SEL1L2: variants seen among roughly 807,000 people sequenced by gnomAD.
SEL1L2 encodes the protein protein sel-1 homolog 2.
A neutral mutation model predicts 98.8 loss-of-function variants in SEL1L2; 89 were observed. The observed-to-expected ratio is 0.90, with a 90% confidence interval of 0.76 to 1.07. SEL1L2 has a LOEUF of 1.07. SEL1L2 is among the 50% of genes least tolerant of loss of function. The probability of loss-of-function intolerance (pLI) is 0.00; values close to 1 mark genes in which losing one functional copy is unlikely to be tolerated. For synonymous variants in SEL1L2, 262 were observed against 278.5 expected, an observed-to-expected ratio of 0.94 and a Z score of 0.59; for missense variants, 788 against 812.0, an observed-to-expected ratio of 0.97 and a Z score of 0.36.
At chr20:13,955,213 T>C (rs1293307872) in intron 2 of SEL1L2, among the ~76,000 whole-genome samples, 1 of 152,038 alleles carries the variant, frequency 6.6e-6, no homozygotes, top group Non-Finnish European at 1.5e-5. Context: ...TATAATAAAA[T>C]ACTGTATGTT....
In SEL1L2 at chr20:13,866,711, A is replaced by G; in HGVS notation, c.1395T>C (p.Thr465=). 6.3e-7 allele frequency: 1 copy of G among 1,583,664 alleles called. No homozygotes were observed. The highest frequency in any genetic ancestry group is 2.3e-5 in the East Asian group (1 of 43,596). Residue 465 remains threonine (T), a synonymous_variant, in exon 15 of 20, where the codon ACT becomes ACC. Transcript: ENST00000284951. The stretch of plus-strand genomic sequence containing the variant: ...CGCATATTATATTTACCTCCACAGC[A>G]GTTCTGCATGATCTTACTACTCCTG... The part of the protein sequence containing the change: ...TGTGVVRSCR[T]AVELYKGVCE...
At chr20:13,854,579 G>C (rs1357523739) in intron 18 of SEL1L2, among the ~76,000 whole-genome samples, 1 of 152,144 alleles carries the variant, frequency 6.6e-6, no homozygotes, top group Non-Finnish European at 1.5e-5. Flanking sequence ...CTATGGACAA[G>C]TCTCTTCTGT....
chr20:13,895,021 A>G (rs1263452014), intron 5 of SEL1L2, among the ~76,000 whole-genome samples: 2 of 152,316 alleles, frequency 1.3e-5, no homozygotes, highest in East Asian at 3.9e-4. Flanking sequence ...CCATAGACCA[A>G]TATACCTGAA....
At position 13,866,747 on chromosome 20, in the gene SEL1L2, A is replaced by G. The variant is rs770574296; in HGVS notation, c.1359T>C (p.Tyr453=). ...ATCTTACTACTCCTGTTCCTGTTGCATACATCTTGGCCAGATAATAAATGG... is the reference window on the plus strand; with the variant it reads ...ATCTTACTACTCCTGTTCCTGTTGCGTACATCTTGGCCAGATAATAAATGG... ...PLAIYYLAKM[Y]ATGTGVVRSC... The change falls in exon 15 of 20, where the codon TAT becomes TAC. Residue 453 remains tyrosine (Y), a synonymous_variant. Coordinates refer to ENST00000284951, the MANE Select transcript of SEL1L2 (RefSeq NM_025229.2). The G allele has an allele frequency of 1.2e-6, 2 of 1,609,392 alleles. No homozygotes were observed. The highest frequency in any genetic ancestry group is 4.5e-5 in the East Asian group (2 of 44,724).
At position 13,870,899 on chromosome 20, in the gene SEL1L2, G is replaced by A. The variant is rs565896162; in HGVS notation, c.1105-696C>T. 9.4e-4 allele frequency among the ~76,000 whole-genome samples: 139 copies of A among 147,450 alleles called. 1 individual carries two copies. Among genetic ancestry groups the A allele is most frequent in the African/African-American group, 3.4e-3 (134 of 39,760 alleles). ...GATTGCGCCACTTCACTCCAGCCTG[G>A]GCGAAAGATCAAAACTCCATCTCAA... On this transcript the variant is annotated intron_variant, in intron 12 of 19. Coordinates refer to ENST00000284951, the MANE Select transcript of SEL1L2 (RefSeq NM_025229.2).
intron 1 of SEL1L2, among the ~76,000 whole-genome samples, chr20:13,987,751 C>T (rs2052303180): frequency 6.6e-6 from 1 of 152,166 alleles, no homozygotes; most frequent in Non-Finnish European, 1.5e-5. Flanking sequence ...TGTTGAATAT[C>T]TTTCATGTGC....
chr20:13,954,682 G>T (rs1288302316), intron 2 of SEL1L2, among the ~76,000 whole-genome samples: 1 of 152,062 alleles, frequency 6.6e-6, no homozygotes, highest in South Asian at 2.1e-4. Flanking sequence ...TCTAATGCTG[G>T]GCATTGGGTA....
At chr20:13,953,515 G>A (rs988657588) in intron 2 of SEL1L2, among the ~76,000 whole-genome samples, 1 of 152,124 alleles carries the variant, frequency 6.6e-6, no homozygotes, top group African/African-American at 2.4e-5. Flanking sequence ...TGCAGAGGGG[G>A]GAATGAGACA....
chr20:13,980,575 CATAG>C (rs1054191449), intron 1 of SEL1L2, among the ~76,000 whole-genome samples: 2 of 152,124 alleles, frequency 1.3e-5, no homozygotes, highest in South Asian at 2.1e-4. Flanking sequence ...TGTCAAACAA[CATAG>C]ATAGAGATTC....
intron 14 of SEL1L2, among the ~76,000 whole-genome samples, chr20:13,867,860 C>A (rs898616611): frequency 6.6e-6 from 1 of 152,102 alleles, no homozygotes; most frequent in African/African-American, 2.4e-5. Context: ...AACCTCAACC[C>A]CCCAAGATAG....
intron 1 of SEL1L2, among the ~76,000 whole-genome samples, chr20:13,975,992 T>TTTTG (rs137916088): frequency 0.15 from 22,275 of 150,584 alleles, 1,808 homozygotes; most frequent in Admixed American, 0.21. Flanking sequence ...CACCAAGGTT[T>TTTTG]TTTGTTTGTT....
intron 9 of SEL1L2, 25 bp from the exon 10 acceptor site, chr20:13,885,428 AT>A: frequency 6.8e-7 from 1 of 1,479,510 alleles, no homozygotes; most frequent in Non-Finnish European, 9.5e-7. Context: ...TTTGGAAATG[AT>A]TTTAGCAGCA....
chr20:13,946,944 G>A (rs1225946498), intron 2 of SEL1L2, among the ~76,000 whole-genome samples: 1 of 152,228 alleles, frequency 6.6e-6, no homozygotes, highest in African/African-American at 2.4e-5. Flanking sequence ...ATGGGAGGGA[G>A]GCCGAGGGGG....
chr20:13,949,368 AAAAAC>A lies in SEL1L2; in HGVS notation c.114+6703_114+6707del, dbSNP rs1259231436. On this transcript the variant is annotated intron_variant, in intron 2 of 19. Transcript: ENST00000284951. Reference sequence around the variant, plus strand: ...TACACCCTATTCAAATGGCTACTATAAAAACAAAACAACAGGCCGGGCGCGGTGGC... The same window carrying A: ...TACACCCTATTCAAATGGCTACTATAAAAACAACAGGCCGGGCGCGGTGGC... 3.0e-4 allele frequency among the ~76,000 whole-genome samples: 46 copies of A among 152,186 alleles called. 1 individual carries two copies. Among genetic ancestry groups the A allele is most frequent in the African/African-American group, 1.1e-3 (46 of 41,452 alleles).
chr20:13,992,332 C>T (rs562753519), upstream of SEL1L2, among the ~76,000 whole-genome samples: 3 of 151,990 alleles, frequency 2.0e-5, no homozygotes, highest in East Asian at 1.9e-4. Context: ...GGTGAAATCC[C>T]GTCTCTACTA....
At chr20:13,869,734 A>C in intron 13 of SEL1L2, 144 bp from the exon 14 acceptor site, 1 of 583,632 alleles carries the variant, frequency 1.7e-6, no homozygotes, top group Non-Finnish European at 3.0e-6. Flanking sequence ...TATATATTTT[A>C]TTTCATTATT....
chr20:13,861,885 G>A (rs1026438442), intron 17 of SEL1L2, among the ~76,000 whole-genome samples: 3 of 152,086 alleles, frequency 2.0e-5, no homozygotes, highest in Non-Finnish European at 2.9e-5. Context: ...TCTCAGAAGC[G>A]CCAATGCCAC....
intron 2 of SEL1L2, among the ~76,000 whole-genome samples, chr20:13,945,170 G>A (rs926494499): frequency 1.3e-5 from 2 of 152,180 alleles, no homozygotes; most frequent in African/African-American, 4.8e-5. Context: ...ACCCTGCAAT[G>A]TTAGCTGCAA....
At chr20:13,989,676 T>C (rs532798007) in intron 1 of SEL1L2, among the ~76,000 whole-genome samples, 1 of 152,376 alleles carries the variant, frequency 6.6e-6, no homozygotes, top group South Asian at 2.1e-4. Context: ...ACAAAGCCTG[T>C]TGAATTTTGT....
Sources: gnomAD v4.1 joint callset for allele counts (sites outside exome capture counted in the v4.1 genomes callset) on GRCh38, gnomAD v4.1.1 for gene constraint, MANE v1.5 for transcripts, NCBI Gene and HGNC (gene_info 2026-07-23, HGNC 2026-07-21) for gene names.